Variants in LPP observed in about 807,000 individuals in gnomAD.
The protein encoded by LPP is LIM domain containing preferred translocation partner in lipoma, also known as lipoma-preferred partner.
A neutral mutation model predicts 60.4 loss-of-function variants in LPP; 38 were observed. The observed-to-expected ratio is 0.63, with a 90% CI of 0.49 to 0.83. The LOEUF (loss-of-function observed/expected upper bound fraction) is 0.83. LPP is among the 40% of genes least tolerant of loss of function. LPP has a pLI of 0.00. For missense variants in LPP, 902 were observed against 783.6 expected (o/e 1.15, Z -1.80); for synonymous variants, 328 against 290.8 (o/e 1.13, Z -1.30).
intron 6 of LPP, chr3:188,553,844 T>G (rs1828800477): frequency 6.6e-6 from 1 of 152,232 alleles, no homozygotes; most frequent in South Asian, 2.1e-4. Context: ...AGAGTGGTGT[T>G]CAATGCCTGA....
chr3:188,536,694 T>TA (rs11417005), intron 6 of LPP, among the ~76,000 whole-genome samples: 119,101 of 151,714 alleles, frequency 0.79, 46,821 homozygotes, highest in East Asian at 0.94. Context: ...ATATAAGATT[T>TA]AAGTGGGTTA....
chr3:188,248,468 T>TTATATATATAGTTATATATATATA (rs528762603), intron 2 of LPP, among the ~76,000 whole-genome samples: 21 of 84,152 alleles, frequency 2.5e-4, no homozygotes, highest in Non-Finnish European at 4.5e-4. Context: ...CAGTATAACT[T>TTATATATATAGTTATATATATATA]TATATATATA....
At chr3:188,613,266 A>ATCTATATCTATG (rs1844115541) in intron 7 of LPP, among the ~76,000 whole-genome samples, 3 of 126,574 alleles carry the variant, frequency 2.4e-5, no homozygotes, top group Non-Finnish European at 4.9e-5. Context: ...CTATACCTAT[A>ATCTATATCTATG]TCTATATCTA....
chr3:188,375,684 G>T lies in LPP; in HGVS notation c.-9-30428G>T, dbSNP rs577261973. Among the ~76,000 whole-genome samples, 14 of 152,064 alleles carry T rather than the reference G, an allele frequency of 9.2e-5. No homozygotes were observed. In the South Asian group the frequency reaches 2.7e-3, roughly 29 times the overall value. On this transcript the variant is annotated intron_variant, in intron 3 of 11. Transcript: ENST00000617246. ...CCTGGATTCATTAATTTTTTGAAGG[G>T]TTTTTTTGTGTCTCTATTTCCTTCA...
At chr3:188,737,111 C>T (rs2150122413) in intron 8 of LPP, among the ~76,000 whole-genome samples, 1 of 142,800 alleles carries the variant, frequency 7.0e-6, no homozygotes, top group Middle Eastern at 4.3e-3. Flanking sequence ...ATTTTCCCCC[C>T]TAATTTTCCT....
Position 188,413,359 on chromosome 3 carries a change from T to C in LPP, c.193+7046T>C, listed in dbSNP as rs1578710964. 2.0e-5 allele frequency among the ~76,000 whole-genome samples: 3 copies of C among 152,166 alleles called. No homozygotes were observed. In the South Asian group the frequency reaches 6.2e-4, roughly 32 times the overall value. On this transcript the variant is annotated intron_variant, in intron 4 of 11. Transcript: ENST00000617246. ...TTTTGGAGGTTACAAATGGGAAACA[T>C]CTTTTTGTAATCCTGACAGTCCTGT...
At chr3:188,657,631 T>G (rs1182914342) in intron 7 of LPP, among the ~76,000 whole-genome samples, 1 of 152,044 alleles carries the variant, frequency 6.6e-6, no homozygotes, top group Non-Finnish European at 1.5e-5. Context: ...TTCTTAGCCT[T>G]TCTAGTCTTT....
intron 6 of LPP, among the ~76,000 whole-genome samples, chr3:188,581,290 G>A (rs1283797223): frequency 6.6e-6 from 1 of 152,004 alleles, no homozygotes; most frequent in Non-Finnish European, 1.5e-5. Context: ...ATAGGTCTAG[G>A]GAACAGTAAA....
At chr3:188,759,813 A>G (rs1731549798) in intron 8 of LPP, among the ~76,000 whole-genome samples, 1 of 152,160 alleles carries the variant, frequency 6.6e-6, no homozygotes, top group Non-Finnish European at 1.5e-5. Flanking sequence ...TGAGAGTCAG[A>G]GCACTGACCT....
chr3:188,513,416 G>C (rs1816405562), intron 5 of LPP, among the ~76,000 whole-genome samples: 2 of 152,080 alleles, frequency 1.3e-5, no homozygotes, highest in South Asian at 2.1e-4. Flanking sequence ...TCATACAATG[G>C]GTTTCCGTGT....
chr3:188,533,600 A>T lies in LPP; in HGVS notation c.429+8813A>T, dbSNP rs143761518. Among the ~76,000 whole-genome samples, 1,286 of 152,334 alleles carry T rather than the reference A, an allele frequency of 8.4e-3. 13 individuals are homozygous for T. Among genetic ancestry groups the T allele is most frequent in the Middle Eastern group, 0.024 (7 of 294 alleles). On this transcript the variant is annotated intron_variant, in intron 6 of 11. Coordinates refer to ENST00000617246, the MANE Select transcript of LPP (RefSeq NM_001375462.1). ...AACTTTCTTTGAGAGCTATGGTAAA[A>T]GTTGAAACCTTGTAGAAACCTCTGG...
At chr3:188,433,929 C>G (rs1791655980) in intron 4 of LPP, among the ~76,000 whole-genome samples, 1 of 151,988 alleles carries the variant, frequency 6.6e-6, no homozygotes, top group African/African-American at 2.4e-5. Flanking sequence ...ACCCTGTCTC[C>G]TAAAACAGGA....
chr3:188,469,624 A>G (rs1023646931), intron 4 of LPP, among the ~76,000 whole-genome samples: 8 of 152,100 alleles, frequency 5.3e-5, no homozygotes, highest in Non-Finnish European at 1.2e-4. Context: ...TTCTGGGGAG[A>G]ACACAATATT....
chr3:188,341,403 G>A (rs1578201097), intron 2 of LPP, among the ~76,000 whole-genome samples: 1 of 152,286 alleles, frequency 6.6e-6, no homozygotes, highest in African/African-American at 2.4e-5. Context: ...TATGGTTTCT[G>A]TAAAGTTAAT....
intron 4 of LPP, among the ~76,000 whole-genome samples, chr3:188,415,556 G>A (rs1281940969): frequency 6.6e-6 from 1 of 151,706 alleles, no homozygotes; most frequent in African/African-American, 2.4e-5. Flanking sequence ...ATCCTTTGAT[G>A]GGCAGATGTT....
rs10689970 is a variant in LPP, at chr3:188,422,913, TTGTGTGTGTG to T, written c.193+16636_193+16645del. Among the ~76,000 whole-genome samples the T allele has an allele frequency of 4.4e-3, 591 of 133,872 alleles. 2 individuals carry two copies. Among genetic ancestry groups the T allele is most frequent in the Middle Eastern group, 0.012 (3 of 252 alleles). 87.8% of individuals were successfully genotyped at this position (133,872 alleles called of 152,430 possible). Reference sequence around the variant, plus strand: ...CATATTTTTCTTTTTGGTGTCTTCTTTGTGTGTGTGTGTGTGTGTGTGTGTGTGTGTGTGT... The same window carrying T: ...CATATTTTTCTTTTTGGTGTCTTCTTTGTGTGTGTGTGTGTGTGTGTGTGT... On this transcript the variant is annotated intron_variant, in intron 4 of 11. Coordinates refer to ENST00000617246, the MANE Select transcript of LPP (RefSeq NM_001375462.1).
chr3:188,269,904 TC>T (rs1737108239), intron 2 of LPP, among the ~76,000 whole-genome samples: 1 of 152,184 alleles, frequency 6.6e-6, no homozygotes, highest in Non-Finnish European at 1.5e-5. Context: ...CACCTTGGCC[TC>T]CCAAAGTGCT....
chr3:188,792,006 C>G (rs573031395), intron 9 of LPP, among the ~76,000 whole-genome samples: 33 of 152,182 alleles, frequency 2.2e-4, no homozygotes, highest in African/African-American at 7.9e-4. Context: ...TGAGTAAGCG[C>G]CTAAGACAAC....
At chr3:188,493,814 C>T (rs894454076) in intron 5 of LPP, among the ~76,000 whole-genome samples, 1 of 152,052 alleles carries the variant, frequency 6.6e-6, no homozygotes, top group Non-Finnish European at 1.5e-5. Context: ...TTATGAACTC[C>T]TACTATATGG....
Sources: allele counts gnomAD v4.1 joint callset (sites outside exome capture counted in the v4.1 genomes callset), GRCh38; gene constraint gnomAD v4.1.1; transcripts MANE v1.5; gene names NCBI Gene and HGNC (gene_info 2026-07-23, HGNC 2026-07-21).